HPSE2: variants seen among roughly 807,000 people sequenced by gnomAD.
HPSE2 encodes the protein inactive heparanase-2.
In HPSE2, 38 loss-of-function variants were observed where a neutral mutation model predicts 60.5. The observed-to-expected ratio is 0.63, with a 90% CI of 0.48 to 0.82. HPSE2 has a LOEUF of 0.82. Among genes scored for constraint, HPSE2 ranks in the 40% least tolerant of loss-of-function variants. The pLI is 0.00. For missense variants in HPSE2, 713 were observed against 740.4 expected (o/e 0.96, Z 0.43); for synonymous variants, 295 against 293.2 (o/e 1.01, Z -0.06).
intron 9 of HPSE2, among the ~76,000 whole-genome samples, chr10:98,607,082 C>CCTCCCTCCCTCCCTCT (rs1945613830): frequency 7.7e-6 from 1 of 129,488 alleles, no homozygotes; most frequent in African/African-American, 2.8e-5. Context: ...TCCCTCTCTC[C>CCTCCCTCCCTCCCTCT]CTCCCTCCCT....
intron 5 of HPSE2, among the ~76,000 whole-genome samples, chr10:98,699,259 C>T (rs1387354739): frequency 9.9e-5 from 15 of 152,034 alleles, no homozygotes; most frequent in Admixed American, 2.6e-4. Flanking sequence ...ACTGGCAAAC[C>T]GAATCCAGCA....
chr10:99,271,375 C>G, the HPSE2 span, among the ~76,000 whole-genome samples: 9 of 152,124 alleles, frequency 5.9e-5, no homozygotes, highest in Non-Finnish European at 1.0e-4. Flanking sequence ...AAGAACTCAA[C>G]CCCTTTTACA....
chr10:98,540,379 G>T (rs1006923349), intron 9 of HPSE2, among the ~76,000 whole-genome samples: 1 of 152,174 alleles, frequency 6.6e-6, no homozygotes, highest in East Asian at 1.9e-4. Flanking sequence ...TCTGTAAATG[G>T]TGTGACATAA....
At chr10:98,496,070 T>C (rs185261675) in intron 9 of HPSE2, among the ~76,000 whole-genome samples, 211 of 152,172 alleles carry the variant, frequency 1.4e-3, no homozygotes, top group Non-Finnish European at 2.6e-3. Context: ...TGTGTGTAAG[T>C]GTGGGTGAGT....
chr10:98,701,449 A>G (rs1948405378), intron 5 of HPSE2, among the ~76,000 whole-genome samples: 1 of 137,498 alleles, frequency 7.3e-6, no homozygotes, highest in South Asian at 2.3e-4. Flanking sequence ...ATGAGAACAC[A>G]TGGACACAGG....
chr10:99,110,043 C>T (rs1334217047), intron 3 of HPSE2, among the ~76,000 whole-genome samples: 1 of 152,144 alleles, frequency 6.6e-6, no homozygotes, highest in African/African-American at 2.4e-5. Context: ...GTATCACAAG[C>T]AAACATCTCT....
chr10:99,257,131 A>G, the HPSE2 span, among the ~76,000 whole-genome samples: 21 of 152,270 alleles, frequency 1.4e-4, no homozygotes, highest in Non-Finnish European at 2.2e-4. Context: ...TGTCATCTTC[A>G]TAAGCTAAGG....
At chr10:98,918,417 T>C (rs578212581) in intron 3 of HPSE2, among the ~76,000 whole-genome samples, 50 of 151,526 alleles carry the variant, frequency 3.3e-4, no homozygotes, top group Non-Finnish European at 6.3e-4. Flanking sequence ...TAGCAAAGAC[T>C]TGGAACCAAC....
chr10:99,207,296 C>T (rs562136535), intron 2 of HPSE2, among the ~76,000 whole-genome samples: 2 of 152,216 alleles, frequency 1.3e-5, no homozygotes, highest in East Asian at 3.9e-4. Flanking sequence ...AGATACCGTA[C>T]CCAGCAAAGC....
At chr10:99,044,267 G>A (rs1324397081) in intron 3 of HPSE2, among the ~76,000 whole-genome samples, 2 of 152,180 alleles carry the variant, frequency 1.3e-5, no homozygotes, top group Non-Finnish European at 2.9e-5. Context: ...AGCTTGAAAT[G>A]TGAAATAGAA....
intron 6 of HPSE2, among the ~76,000 whole-genome samples, chr10:98,669,312 G>T (rs1947447723): frequency 6.6e-6 from 1 of 152,228 alleles, no homozygotes; most frequent in East Asian, 1.9e-4. Flanking sequence ...AGTCATTGTG[G>T]AAAGCAGTTT....
intron 3 of HPSE2, among the ~76,000 whole-genome samples, chr10:98,852,113 A>ATATGTGTGTGTGTGTG (rs779720749): frequency 6.3e-4 from 58 of 91,928 alleles, no homozygotes; most frequent in Admixed American, 2.7e-3. Context: ...GTATATTATG[A>ATATGTGTGTGTGTGTG]TGTGTGTGTG....
At chr10:99,040,413 T>C (rs938496917) in intron 3 of HPSE2, among the ~76,000 whole-genome samples, 36 of 152,336 alleles carry the variant, frequency 2.4e-4, no homozygotes, top group Middle Eastern at 6.8e-3. Flanking sequence ...AGTGTATCTC[T>C]TAATTTGTAT....
At chr10:98,631,974 ACC>A (rs1403284366) in intron 7 of HPSE2, among the ~76,000 whole-genome samples, 6 of 152,260 alleles carry the variant, frequency 3.9e-5, no homozygotes, top group African/African-American at 1.4e-4. Flanking sequence ...ATGTTCTTTC[ACC>A]AAGAACATTC....
chr10:98,778,545 T>C (rs1950397857), intron 3 of HPSE2, among the ~76,000 whole-genome samples: 1 of 152,140 alleles, frequency 6.6e-6, no homozygotes, highest in Non-Finnish European at 1.5e-5. Flanking sequence ...GAGGCAGTTA[T>C]ATCTGGATCA....
chr10:98,558,664 T>C (rs11189676), intron 9 of HPSE2, among the ~76,000 whole-genome samples: 8,983 of 152,282 alleles, frequency 0.059, 386 homozygotes, highest in Non-Finnish European at 0.094. Context: ...ATTCCGACAC[T>C]TGATCAGGGA....
chr10:98,606,774 G>C (rs1259046349), intron 9 of HPSE2, among the ~76,000 whole-genome samples: 1 of 152,006 alleles, frequency 6.6e-6, no homozygotes, highest in African/African-American at 2.4e-5. Context: ...ATTTTTATTT[G>C]TTCTATTTTT....
chr10:98,977,955 T>C (rs1018547043), intron 3 of HPSE2, among the ~76,000 whole-genome samples: 6 of 148,066 alleles, frequency 4.1e-5, no homozygotes, highest in Non-Finnish European at 9.0e-5. Flanking sequence ...ATACCCATGA[T>C]TATATTTCAT....
At chr10:98,809,211 T>C (rs1307071576) in intron 3 of HPSE2, among the ~76,000 whole-genome samples, 1 of 152,140 alleles carries the variant, frequency 6.6e-6, no homozygotes, top group Non-Finnish European at 1.5e-5. Flanking sequence ...CAATGTCTAT[T>C]CATAAGTGGG....
Sources: allele counts gnomAD v4.1 joint callset (sites outside exome capture counted in the v4.1 genomes callset), GRCh38; gene constraint gnomAD v4.1.1; transcripts MANE v1.5; gene names NCBI Gene and HGNC (gene_info 2026-07-23, HGNC 2026-07-21).